Variants in SYNJ1 observed in about 807,000 individuals in gnomAD.
SYNJ1 encodes synaptojanin 1, also known as polyphosphatidylinositol phosphatase SYNJ1.
SYNJ1 carries 78 observed loss-of-function variants against 168.2 expected under a neutral mutation model. The observed-to-expected ratio is 0.46, with a 90% confidence interval of 0.39 to 0.56. The LOEUF (loss-of-function observed/expected upper bound fraction) is 0.56, where lower values mean the gene tolerates loss of function less well. Among genes scored for constraint, SYNJ1 ranks in the 20% least tolerant of loss-of-function variants. SYNJ1 has a pLI of 0.00. For synonymous variants in SYNJ1, 539 were observed against 548.6 expected (o/e 0.98, Z 0.24); for missense variants, 1,303 against 1,597.6 (o/e 0.82, Z 3.14).
At chr21:32,654,241 T>A (rs1332381471) in intron 21 of SYNJ1, 1 of 152,098 alleles carries the variant, frequency 6.6e-6, no homozygotes, top group Admixed American at 6.6e-5. Flanking sequence ...TTCCAAAGTA[T>A]GAATTATGAA....
At chr21:32,683,608 T>G (rs984368185) in intron 10 of SYNJ1, among the ~76,000 whole-genome samples, 1 of 152,130 alleles carries the variant, frequency 6.6e-6, no homozygotes, top group Non-Finnish European at 1.5e-5. Context: ...GGGTTACAAA[T>G]TGTCAAAAAT....
chr21:32,724,885 A>AT (rs35879689), intron 2 of SYNJ1, among the ~76,000 whole-genome samples: 1 of 152,074 alleles, frequency 6.6e-6, no homozygotes, highest in African/African-American at 2.4e-5. Flanking sequence ...ATATTCCAAC[A>AT]TTTTTTTTCT....
At chr21:32,659,074 T>C (rs2040576882) in intron 18 of SYNJ1, among the ~76,000 whole-genome samples, 1 of 151,372 alleles carries the variant, frequency 6.6e-6, no homozygotes, top group African/African-American at 2.4e-5. Context: ...CCATACCAGA[T>C]GGCCACTGAT....
At chr21:32,715,417 T>C (rs1457549333) in intron 2 of SYNJ1, among the ~76,000 whole-genome samples, 2 of 151,082 alleles carry the variant, frequency 1.3e-5, no homozygotes, top group South Asian at 4.2e-4. Flanking sequence ...GAGGTTACAG[T>C]GAGCCAAGAT....
At chr21:32,644,370 T>C (rs1382731651) in intron 26 of SYNJ1, among the ~76,000 whole-genome samples, 1 of 152,210 alleles carries the variant, frequency 6.6e-6, no homozygotes, top group Non-Finnish European at 1.5e-5. Flanking sequence ...CAAGCTACAA[T>C]AGAAACAGAC....
At chr21:32,695,914 T>C (rs1312269231) in intron 4 of SYNJ1, among the ~76,000 whole-genome samples, 2 of 151,974 alleles carry the variant, frequency 1.3e-5, no homozygotes, top group Non-Finnish European at 2.9e-5. Flanking sequence ...TGGCGGGATC[T>C]TGGCTCACTG....
rs545242822 is a variant in SYNJ1, at chr21:32,636,895, T to C, written c.3916-2011A>G. On this transcript the variant is annotated intron_variant, in intron 31 of 32. Transcript: ENST00000674351. ...TCAGGATTTGAAACAAATATCTTTG[T>C]CTTTTTGATGAACTGACAACCATGA... 1.1e-4 allele frequency among the ~76,000 whole-genome samples: 17 copies of C among 152,294 alleles called. 2 individuals carry two copies. In the South Asian group the frequency reaches 3.1e-3, roughly 28 times the overall value.
At chr21:32,685,694 A>G in intron 9 of SYNJ1, 54 bp downstream of exon 9, 1 of 1,361,392 alleles carries the variant, frequency 7.3e-7, no homozygotes, top group Non-Finnish European at 9.7e-7. Flanking sequence ...AACGTTAAGA[A>G]TAATTTTTAA....
Position 32,684,062 on chromosome 21 carries a change from A to T in SYNJ1, c.1176T>A (p.Ser392Arg). 1.9e-6 allele frequency: 3 copies of T among 1,613,658 alleles called. No homozygotes were observed. The highest frequency in any genetic ancestry group is 2.5e-6 in the Non-Finnish European group (3 of 1,179,712). Residue 392 changes from serine to arginine, a missense_variant, in exon 10 of 33, where the codon AGT becomes AGA. Coordinates refer to ENST00000674351, the MANE Select transcript of SYNJ1 (RefSeq NM_203446.3). Reference protein sequence around the residue: ...NCLDCLDRTNSVQAFLGLEML... With the variant: ...NCLDCLDRTNRVQAFLGLEML... ...CCTCTAAGCCAAGAAATGCCTGCAC[A>T]CTATTTGTTCTATCAAGACAATCCA...
intron 22 of SYNJ1, among the ~76,000 whole-genome samples, chr21:32,651,660 T>C (rs991595183): frequency 1.3e-5 from 2 of 152,212 alleles, no homozygotes; most frequent in Non-Finnish European, 2.9e-5. Flanking sequence ...TGTAATTCCT[T>C]AGGACTATCC....
intron 1 of SYNJ1, 62 bp from the exon 2 acceptor site, chr21:32,726,979 C>CA: frequency 1.3e-6 from 2 of 1,563,046 alleles, no homozygotes; most frequent in Non-Finnish European, 1.7e-6. Flanking sequence ...GCAAGGACTG[C>CA]AAAGCATCCA....
chr21:32,681,292 TTAGGGAAATACC>T (rs1367539488), intron 11 of SYNJ1, among the ~76,000 whole-genome samples, 192 bp downstream of exon 11: 1 of 152,172 alleles, frequency 6.6e-6, no homozygotes, highest in Non-Finnish European at 1.5e-5. Context: ...CTTCCCAAAC[TTAGGGAAATACC>T]TATCTTCCAT....
At chr21:32,643,341 G>A in intron 27 of SYNJ1, 69 bp downstream of exon 27, 1 of 1,514,144 alleles carries the variant, frequency 6.6e-7, no homozygotes, top group Non-Finnish European at 9.1e-7. Context: ...CTGCGGGGTG[G>A]GGAGGTGGGG....
At position 32,702,185 on chromosome 21, in the gene SYNJ1, C is replaced by A. The variant is rs543518191; in HGVS notation, c.125-138G>T. The A allele has an allele frequency of 5.1e-5, 28 of 550,728 alleles. No homozygotes were observed. In the South Asian group the frequency reaches 5.7e-4, roughly 11 times the overall value. 34.1% of individuals were successfully genotyped at this position (550,728 alleles called of 1,614,324 possible). A position where few individuals can be genotyped will look rare whatever the true frequency, so the allele number is the denominator to read the frequency against. On this transcript the variant is annotated intron_variant, in intron 2 of 32. Coordinates refer to ENST00000674351, the MANE Select transcript of SYNJ1 (RefSeq NM_203446.3). ...TAAATGTACTGCATATTTTCTTAAACTAGTAACATTAGTATTCTTCCCAAA... is the reference window on the plus strand; with the variant it reads ...TAAATGTACTGCATATTTTCTTAAAATAGTAACATTAGTATTCTTCCCAAA...
chr21:32,678,601 C>T (rs759612224), intron 12 of SYNJ1, 44 bp downstream of exon 12: 7 of 1,517,928 alleles, frequency 4.6e-6, no homozygotes, highest in Non-Finnish European at 6.1e-6. Flanking sequence ...ACCTCTTGGA[C>T]CTTTAGGAAT....
At chr21:32,661,766 G>C (rs892011209) in intron 18 of SYNJ1, among the ~76,000 whole-genome samples, 2 of 152,068 alleles carry the variant, frequency 1.3e-5, no homozygotes, top group Non-Finnish European at 2.9e-5. Context: ...CCTTCTAACA[G>C]GATACTCCCC....
At position 32,673,488 on chromosome 21, in the gene SYNJ1, T is replaced by C; in HGVS notation, c.1578A>G (p.Lys526=). 1 of 1,613,320 alleles carries C rather than the reference T, an allele frequency of 6.2e-7. No individual in the cohort carries two copies. The highest frequency in any genetic ancestry group is 8.5e-7 in the Non-Finnish European group (1 of 1,179,688). The stretch of plus-strand genomic sequence containing the variant: ...CTCGAATTTTCTTAGGCTTTGAATA[T>C]TTGTAGAAATTCTCACACATGCTCT... ...VLKSMCENFY[K]YSKPKKIRVC... Residue 526 remains lysine (K), a synonymous_variant, in exon 14 of 33, where the codon AAA becomes AAG. Transcript: ENST00000674351.
chr21:32,716,571 G>A (rs1039609773), intron 2 of SYNJ1, among the ~76,000 whole-genome samples: 1 of 152,098 alleles, frequency 6.6e-6, no homozygotes, highest in African/African-American at 2.4e-5. Context: ...TCTTCCTTGG[G>A]CTACTTTTAA....
In SYNJ1 at chr21:32,688,289, T is replaced by A; in HGVS notation, c.851+17A>T. ...AGCAATATCAAAACTTAAAGCACTA[T>A]GTAAAAATTGTCTTACCTGTCAAAA... is the stretch of plus-strand genomic sequence containing the variant. On this transcript the variant is annotated intron_variant, in intron 7 of 32. Coordinates refer to ENST00000674351, the MANE Select transcript of SYNJ1 (RefSeq NM_203446.3). The A allele has an allele frequency of 6.2e-7, 1 of 1,610,486 alleles. No individual in the cohort carries two copies. Among genetic ancestry groups the A allele is most frequent in the Non-Finnish European group, 8.5e-7 (1 of 1,178,092 alleles).
Sources: gnomAD v4.1 joint callset for allele counts (sites outside exome capture counted in the v4.1 genomes callset) on GRCh38, gnomAD v4.1.1 for gene constraint, MANE v1.5 for transcripts, NCBI Gene and HGNC (gene_info 2026-07-23, HGNC 2026-07-21) for gene names.